ROR2: variants seen among roughly 807,000 people sequenced by gnomAD.
The protein encoded by ROR2 is tyrosine-protein kinase transmembrane receptor ROR2.
In ROR2, 33 loss-of-function variants were observed where a neutral mutation model predicts 74.9. The ratio of observed to expected loss-of-function variants is 0.44; its 90% CI spans 0.33 to 0.59. The LOEUF (loss-of-function observed/expected upper bound fraction) is 0.59. Ranked by LOEUF, ROR2 falls within the 20% of genes least tolerant of loss-of-function variation. ROR2 has a pLI of 0.02. For synonymous variants in ROR2, 586 were observed against 558.7 expected, an observed-to-expected ratio of 1.05 and a Z score of -0.69; for missense variants, 1,216 against 1,313.8, an observed-to-expected ratio of 0.93 and a Z score of 1.15.
intron 1 of ROR2, among the ~76,000 whole-genome samples, chr9:91,936,214 G>A (rs1473893564): frequency 6.6e-6 from 1 of 152,212 alleles, no homozygotes; most frequent in African/African-American, 2.4e-5. Context: ...GCACTTATGG[G>A]TGGATGCGTG....
intron 1 of ROR2, among the ~76,000 whole-genome samples, chr9:91,888,986 A>G (rs1156567610): frequency 2.0e-5 from 3 of 150,914 alleles, no homozygotes; most frequent in East Asian, 1.9e-4. Flanking sequence ...TTTGCTTTCT[A>G]ACTGACTCTG....
At chr9:91,755,110 G>A (rs867733098) in intron 4 of ROR2, among the ~76,000 whole-genome samples, 5 of 152,164 alleles carry the variant, frequency 3.3e-5, no homozygotes, top group South Asian at 4.1e-4. Context: ...AGCTGTGATC[G>A]TGCCACTGCA....
chr9:91,794,555 G>T (rs1827108140), intron 1 of ROR2, among the ~76,000 whole-genome samples: 1 of 152,148 alleles, frequency 6.6e-6, no homozygotes, highest in Non-Finnish European at 1.5e-5. Flanking sequence ...GCTGTCTTAA[G>T]TATTTTAGCA....
intron 1 of ROR2, among the ~76,000 whole-genome samples, chr9:91,849,066 T>TA: frequency 6.6e-6 from 1 of 152,282 alleles, no homozygotes; most frequent in East Asian, 1.9e-4. Flanking sequence ...AACAGATATC[T>TA]AGCAGGCATG....
rs776124355 is a variant in ROR2 at position 91,724,344 on chromosome 9, C to G, written c.2150G>C (p.Cys717Ser). 6 of 1,613,426 alleles carry G rather than the reference C, an allele frequency of 3.7e-6. No homozygotes were observed. Among genetic ancestry groups the G allele is most frequent in the East Asian group, 2.2e-5 (1 of 44,888 alleles). Residue 717 changes from cysteine (C) to serine (S), a missense_variant, in exon 9 of 9, where the codon TGT (cysteine) becomes TCT (serine). Physicochemically the swap from Cys to Ser is moderately radical, Grantham distance 112 (BLOSUM62 -1). Coordinates refer to ENST00000375708, the MANE Select transcript of ROR2 (RefSeq NM_004560.4). ...NRQVLPCPDD[C>S]PAWVYALMIE... ...CATGAGGGCATACACCCAGGCGGGA[C>G]AGTCATCGGGGCAAGGCAGCACCTG...
chr9:91,881,234 T>C (rs1176826195), intron 1 of ROR2, among the ~76,000 whole-genome samples: 1 of 152,182 alleles, frequency 6.6e-6, no homozygotes, highest in Non-Finnish European at 1.5e-5. Flanking sequence ...CTAGATAATA[T>C]GCAACCATTA....
At chr9:91,771,129 A>G (rs1453793823) in intron 2 of ROR2, among the ~76,000 whole-genome samples, 1 of 152,206 alleles carries the variant, frequency 6.6e-6, no homozygotes, top group Non-Finnish European at 1.5e-5. Flanking sequence ...GATCACCTAT[A>G]ATTGCAACAC....
In ROR2 at chr9:91,939,776, G is replaced by C. The variant is rs559514575; in HGVS notation, c.97+10091C>G. The stretch of plus-strand genomic sequence containing the variant: ...TCCCTCCTTTCTACGCATTAATACT[G>C]CATTTGTTTTCATAAAGCCAGTGTT... On this transcript the variant is annotated intron_variant, in intron 1 of 8. Transcript: ENST00000375708. Among the ~76,000 whole-genome samples, 3 of 152,310 alleles carry C rather than the reference G, an allele frequency of 2.0e-5. No homozygotes were observed. In the East Asian group the frequency reaches 5.8e-4, roughly 29 times the overall value.
intron 1 of ROR2, among the ~76,000 whole-genome samples, chr9:91,876,322 T>C (rs1282681383): frequency 6.6e-6 from 1 of 151,382 alleles, no homozygotes; most frequent in Non-Finnish European, 1.5e-5. Context: ...CGAGCCAAGA[T>C]AGCACCACTG....
At chr9:91,877,191 CAAG>C (rs1379786497) in intron 1 of ROR2, among the ~76,000 whole-genome samples, 4 of 152,204 alleles carry the variant, frequency 2.6e-5, no homozygotes, top group Non-Finnish European at 4.4e-5. Context: ...GTGGAAATTA[CAAG>C]GACTCAGAAA....
At chr9:91,771,784 G>A (rs1403076936) in intron 2 of ROR2, among the ~76,000 whole-genome samples, 1 of 151,836 alleles carries the variant, frequency 6.6e-6, no homozygotes, top group South Asian at 2.1e-4. Flanking sequence ...ACTGACCCAG[G>A]ACATCTGAAC....
At position 91,863,505 on chromosome 9, in the gene ROR2, T is replaced by TA. The variant is rs1307650413; in HGVS notation, c.97+86361dup. On this transcript the variant is annotated intron_variant, in intron 1 of 8. Transcript: ENST00000375708. ...AAATGTGGTAATATATCCCAGAACT[T>TA]AAAGTAAAAGAAAAGAAAACAAAAA... Among the ~76,000 whole-genome samples the TA allele has an allele frequency of 3.9e-5, 6 of 151,996 alleles. No homozygotes were observed. In the South Asian group the frequency reaches 1.0e-3, roughly 26 times the overall value.
intron 1 of ROR2, among the ~76,000 whole-genome samples, chr9:91,892,748 C>T (rs1440471309): frequency 6.6e-6 from 1 of 151,928 alleles, no homozygotes; most frequent in Non-Finnish European, 1.5e-5. Context: ...CACCACCACA[C>T]CCGGCTAATT....
At chr9:91,840,192 G>A (rs1828739302) in intron 1 of ROR2, among the ~76,000 whole-genome samples, 1 of 152,216 alleles carries the variant, frequency 6.6e-6, no homozygotes, top group Non-Finnish European at 1.5e-5. Context: ...TCAGAGCGGA[G>A]GGACCCGGGA....
chr9:91,812,319 C>G (rs781125598), intron 1 of ROR2, among the ~76,000 whole-genome samples: 1 of 151,908 alleles, frequency 6.6e-6, no homozygotes, highest in South Asian at 2.1e-4. Context: ...GCAAACAGGT[C>G]GTTGAGATTA....
In ROR2 at chr9:91,845,877, CAAAAAAAAAAAA is replaced by C. The variant is rs5899143; in HGVS notation, c.98-70071_98-70060del. On this transcript the variant is annotated intron_variant, in intron 1 of 8. Coordinates refer to ENST00000375708, the MANE Select transcript of ROR2 (RefSeq NM_004560.4). ...TGGGCAACAGAGCAAGAATCCATCT[CAAAAAAAAAAAA>C]AAAAAAAAAAAAAAAAAAATAGGTG... 3.6e-3 allele frequency among the ~76,000 whole-genome samples: 121 copies of C among 33,902 alleles called. 1 individual carries two copies. Among genetic ancestry groups the C allele is most frequent in the Middle Eastern group, 0.062 (2 of 32 alleles). 22.2% of individuals were successfully genotyped at this position (33,902 alleles called of 152,430 possible).
At chr9:91,781,183 A>G (rs1199823968) in intron 1 of ROR2, among the ~76,000 whole-genome samples, 1 of 152,192 alleles carries the variant, frequency 6.6e-6, no homozygotes, top group African/African-American at 2.4e-5. Flanking sequence ...ATGTGAAGGT[A>G]TAATTTGCAG....
chr9:91,866,918 T>C (rs997024576), intron 1 of ROR2, among the ~76,000 whole-genome samples: 1 of 152,196 alleles, frequency 6.6e-6, no homozygotes, highest in Non-Finnish European at 1.5e-5. Context: ...CCATCTGAAA[T>C]CTGCACATCC....
intron 1 of ROR2, among the ~76,000 whole-genome samples, chr9:91,803,971 C>T (rs1162926766): frequency 2.6e-5 from 4 of 152,212 alleles, no homozygotes; most frequent in South Asian, 2.1e-4. Context: ...CTGGGATGAT[C>T]TCTTCTCTGG....
Sources: allele counts gnomAD v4.1 joint callset (sites outside exome capture counted in the v4.1 genomes callset), GRCh38; gene constraint gnomAD v4.1.1; transcripts MANE v1.5; gene names NCBI Gene and HGNC (gene_info 2026-07-23, HGNC 2026-07-21).